Variants in ZNF678 observed in about 807,000 individuals in gnomAD.
ZNF678 encodes zinc finger protein 678.
ZNF678 carries 5 observed loss-of-function variants against 3.0 expected under a neutral mutation model. The ratio of observed to expected loss-of-function variants is 1.69; its 90% CI spans 0.88 to 3.56. The LOEUF (loss-of-function observed/expected upper bound fraction) is 3.56, where lower values mean the gene tolerates loss of function less well. ZNF678 is among the 30% of genes most tolerant of loss of function. The probability of loss-of-function intolerance (pLI) is 0.00; values close to 1 mark genes in which losing one functional copy is unlikely to be tolerated. For synonymous variants in ZNF678, 218 were observed against 199.6 expected, an observed-to-expected ratio of 1.09 and a Z score of -0.78; for missense variants, 593 against 605.0, an observed-to-expected ratio of 0.98 and a Z score of 0.21.
intron 2 of ZNF678, among the ~76,000 whole-genome samples, chr1:227,649,697 A>G (rs529718492): frequency 2.0e-5 from 3 of 152,230 alleles, no homozygotes; most frequent in East Asian, 3.9e-4. Context: ...TTTAATGTAT[A>G]TGTATTAGTC....
intron 5 of ZNF678, among the ~76,000 whole-genome samples, chr1:227,669,616 G>A (rs1190706310): frequency 6.8e-6 from 1 of 147,472 alleles, no homozygotes; most frequent in Non-Finnish European, 1.5e-5. Context: ...GCCACTGCGC[G>A]CCAGCCTGGG....
At chr1:227,619,447 C>T (rs116645335) in intron 1 of ZNF678, among the ~76,000 whole-genome samples, 3 of 152,194 alleles carry the variant, frequency 2.0e-5, no homozygotes, top group Non-Finnish European at 2.9e-5. Flanking sequence ...GACGGAGCCT[C>T]GAACTTATGG....
intron 1 of ZNF678, among the ~76,000 whole-genome samples, chr1:227,645,779 T>A (rs1329337580): frequency 6.6e-6 from 1 of 152,204 alleles, no homozygotes; most frequent in Non-Finnish European, 1.5e-5. Flanking sequence ...TCCTGTGCAT[T>A]TTTACACGTG....
chr1:227,646,599 G>T lies in ZNF678; in HGVS notation c.-108G>T, dbSNP rs1413094566. ...GAATTCTCTCCAGAGGAGTGGGCAT[G>T]CCTGGACCCTGCCCAGCGAAATTTG... On this transcript the variant is annotated 5_prime_UTR_variant, in exon 2 of 4. An upstream start codon of the reference 5' UTR is lost. Coordinates refer to ENST00000343776, the MANE Select transcript of ZNF678 (RefSeq NM_001367909.1). 7.3e-7 allele frequency: 1 copy of T among 1,372,350 alleles called. No homozygotes were observed. Among genetic ancestry groups the T allele is most frequent in the South Asian group, 1.1e-5 (1 of 88,956 alleles). The allele number at this position is 1,372,350 out of a possible 1,614,324, so 85.0% of individuals were successfully genotyped here. A position where few individuals can be genotyped will look rare whatever the true frequency, so the allele number is the denominator to read the frequency against.
chr1:227,678,147 G>A (rs1265911869), downstream of ZNF678, among the ~76,000 whole-genome samples: 1 of 152,134 alleles, frequency 6.6e-6, no homozygotes, highest in Non-Finnish European at 1.5e-5. Flanking sequence ...AGGATCTAAG[G>A]CAAACCTTAG....
intron 1 of ZNF678, among the ~76,000 whole-genome samples, chr1:227,564,334 T>G (rs1656613755): frequency 6.6e-6 from 1 of 152,256 alleles, no homozygotes; most frequent in Non-Finnish European, 1.5e-5. Flanking sequence ...ACTTGGATTT[T>G]GTTTCTACTT....
At chr1:227,626,862 G>T (rs1220080931) in intron 1 of ZNF678, among the ~76,000 whole-genome samples, 2 of 151,898 alleles carry the variant, frequency 1.3e-5, no homozygotes, top group African/African-American at 4.8e-5. Context: ...TTATCACTCT[G>T]TAAGCCTTGG....
intron 1 of ZNF678, among the ~76,000 whole-genome samples, chr1:227,614,254 G>T (rs942287158): frequency 1.3e-5 from 2 of 152,142 alleles, no homozygotes; most frequent in Non-Finnish European, 1.5e-5. Flanking sequence ...TTTTTATTTT[G>T]ATTTTATCCC....
At chr1:227,674,914 T>A (rs1382007039) in intron 5 of ZNF678, among the ~76,000 whole-genome samples, 1 of 152,194 alleles carries the variant, frequency 6.6e-6, no homozygotes, top group Non-Finnish European at 1.5e-5. Flanking sequence ...CTATCTACAA[T>A]TGAAATTCTT....
downstream of ZNF678, among the ~76,000 whole-genome samples, chr1:227,664,962 C>T (rs56402296): frequency 1.9e-4 from 29 of 152,294 alleles, no homozygotes; most frequent in Non-Finnish European, 2.9e-4. Flanking sequence ...GGTGACACAG[C>T]TGGATCAGAA....
At chr1:227,599,095 C>T (rs1479051985) in intron 1 of ZNF678, 11 of 1,595,524 alleles carry the variant, frequency 6.9e-6, no homozygotes, top group Non-Finnish European at 9.4e-6. Flanking sequence ...GGATTGGACC[C>T]CTTGATCTCG....
At chr1:227,647,841 C>T (rs1004984485) in intron 2 of ZNF678, among the ~76,000 whole-genome samples, 1 of 152,160 alleles carries the variant, frequency 6.6e-6, no homozygotes, top group African/African-American at 2.4e-5. Context: ...TTGAGGAACT[C>T]TATTTTACAC....
At chr1:227,580,309 A>T (rs937109036) in intron 1 of ZNF678, among the ~76,000 whole-genome samples, 3 of 152,072 alleles carry the variant, frequency 2.0e-5, no homozygotes, top group African/African-American at 7.2e-5. Flanking sequence ...CTAGTTGGCT[A>T]TCTTGCCCTC....
intron 1 of ZNF678, among the ~76,000 whole-genome samples, chr1:227,569,339 A>T (rs777636678): frequency 4.6e-4 from 70 of 151,988 alleles, no homozygotes; most frequent in African/African-American, 1.5e-3. Context: ...ATATATGCAA[A>T]TTTTTTTTAC....
intron 1 of ZNF678, among the ~76,000 whole-genome samples, chr1:227,643,090 T>G (rs1008960822): frequency 6.6e-6 from 1 of 152,112 alleles, no homozygotes; most frequent in South Asian, 2.1e-4. Flanking sequence ...TCATTTGAGC[T>G]TCTTACTTCC....
At chr1:227,651,110 A>T (rs1279153926) in intron 3 of ZNF678, 34 bp downstream of exon 3, 1 of 1,606,368 alleles carries the variant, frequency 6.2e-7, no homozygotes, top group East Asian at 2.2e-5. Flanking sequence ...CTCCAGGCTG[A>T]TGAGATCTTT....
chr1:227,624,345 A>T (rs561449930), intron 1 of ZNF678, among the ~76,000 whole-genome samples: 5 of 152,306 alleles, frequency 3.3e-5, no homozygotes, highest in African/African-American at 1.2e-4. Flanking sequence ...TATCTACATA[A>T]AAAAGCACCT....
chr1:227,665,325 C>T (rs997632584), downstream of ZNF678, among the ~76,000 whole-genome samples: 3 of 152,164 alleles, frequency 2.0e-5, no homozygotes, highest in Admixed American at 2.0e-4. Flanking sequence ...AGTGACTTTC[C>T]ATTATATGTA....
intron 1 of ZNF678, among the ~76,000 whole-genome samples, chr1:227,610,116 AG>A (rs974079445): frequency 4.7e-4 from 71 of 152,304 alleles, no homozygotes; most frequent in African/African-American, 1.6e-3. Context: ...AATAAGTATG[AG>A]TTTATACAGA....
Sources: gnomAD v4.1 joint callset for allele counts (sites outside exome capture counted in the v4.1 genomes callset) on GRCh38, gnomAD v4.1.1 for gene constraint, MANE v1.5 for transcripts, NCBI Gene and HGNC (gene_info 2026-07-23, HGNC 2026-07-21) for gene names.